GPC5: variants seen among roughly 807,000 people sequenced by gnomAD.
GPC5 encodes glypican-5.
A neutral mutation model predicts 53.9 loss-of-function variants in GPC5; 47 were observed. The observed-to-expected ratio is 0.87, with a 90% confidence interval of 0.69 to 1.11. The LOEUF is 1.11. GPC5 is among the 50% of genes most tolerant of loss of function. The pLI is 0.00. For missense variants in GPC5, 748 were observed against 713.1 expected (o/e 1.05, Z -0.56); for synonymous variants, 286 against 263.3 (o/e 1.09, Z -0.84).
chr13:91,577,558 A>G (rs1194286287), intron 2 of GPC5, among the ~76,000 whole-genome samples: 1 of 151,962 alleles, frequency 6.6e-6, no homozygotes, highest in Non-Finnish European at 1.5e-5. Flanking sequence ...TTGGCTCCTC[A>G]CCTATTGTTG....
At chr13:92,025,709 G>A (rs1243190836) in intron 6 of GPC5, among the ~76,000 whole-genome samples, 1 of 152,124 alleles carries the variant, frequency 6.6e-6, no homozygotes, top group African/African-American at 2.4e-5. Flanking sequence ...TGTAGTATAT[G>A]CATGTCCATT....
intron 6 of GPC5, among the ~76,000 whole-genome samples, chr13:92,022,031 G>A (rs1291914085): frequency 1.3e-5 from 2 of 151,586 alleles, no homozygotes; most frequent in Non-Finnish European, 2.9e-5. Context: ...ACAGAGTCTC[G>A]GTCTGTTGCC....
intron 7 of GPC5, among the ~76,000 whole-genome samples, chr13:92,213,556 C>T (rs1266596851): frequency 6.6e-6 from 1 of 152,146 alleles, no homozygotes; most frequent in Non-Finnish European, 1.5e-5. Context: ...CCTGAAATGA[C>T]TGTATAATCT....
intron 3 of GPC5, among the ~76,000 whole-genome samples, chr13:91,705,637 G>A (rs751616720): frequency 6.6e-6 from 1 of 151,678 alleles, no homozygotes; most frequent in African/African-American, 2.4e-5. Flanking sequence ...TCAGGTTTTG[G>A]TCTAAGAATA....
At chr13:92,802,224 T>C (rs756021767) in intron 7 of GPC5, among the ~76,000 whole-genome samples, 5 of 151,858 alleles carry the variant, frequency 3.3e-5, no homozygotes, top group Non-Finnish European at 5.9e-5. Context: ...GTATTCAATA[T>C]AGTCACATGC....
chr13:91,656,672 C>A (rs2034853074), intron 2 of GPC5, among the ~76,000 whole-genome samples: 1 of 152,164 alleles, frequency 6.6e-6, no homozygotes, highest in African/African-American at 2.4e-5. Context: ...TCTGTTAAGG[C>A]ATTTCTGACT....
At chr13:92,445,653 T>A (rs941308347) in intron 7 of GPC5, among the ~76,000 whole-genome samples, 1 of 151,820 alleles carries the variant, frequency 6.6e-6, no homozygotes, top group Non-Finnish European at 1.5e-5. Flanking sequence ...ACTCATCATT[T>A]TTTATGGCTG....
chr13:92,663,769 CTATA>C lies in GPC5; in HGVS notation c.1562-202508_1562-202505del, dbSNP rs529018371. 1.0e-4 allele frequency among the ~76,000 whole-genome samples: 14 copies of C among 135,358 alleles called. No homozygotes were observed. The South Asian group carries it at 2.0e-3, about 19-fold the overall frequency. The allele number at this position is 135,358 out of a possible 152,430, so 88.8% of individuals were successfully genotyped here. A position where few individuals can be genotyped will look rare whatever the true frequency, so the allele number is the denominator to read the frequency against. ...TATCTCTACTAAATATATATATACA[CTATA>C]TATACACACACTATATATACACACA... On this transcript the variant is annotated intron_variant, in intron 7 of 7. Transcript: ENST00000377067.
At chr13:92,563,381 AG>A (rs1882759867) in intron 7 of GPC5, among the ~76,000 whole-genome samples, 2 of 152,036 alleles carry the variant, frequency 1.3e-5, no homozygotes, top group Non-Finnish European at 2.9e-5. Flanking sequence ...AAACATAAAA[AG>A]AGATCCAAAG....
At chr13:91,963,676 T>C (rs773342183) in intron 6 of GPC5, among the ~76,000 whole-genome samples, 1 of 152,086 alleles carries the variant, frequency 6.6e-6, no homozygotes, top group African/African-American at 2.4e-5. Context: ...AAGATAATGA[T>C]TAAAATTATT....
chr13:92,271,339 AT>A (rs2042838409), intron 7 of GPC5, among the ~76,000 whole-genome samples: 4 of 152,176 alleles, frequency 2.6e-5, no homozygotes, highest in Admixed American at 1.3e-4. Context: ...TAGCAAAAAT[AT>A]TTTCCCAGGG....
intron 5 of GPC5, among the ~76,000 whole-genome samples, chr13:91,895,057 A>T (rs888921387): frequency 2.6e-5 from 4 of 151,630 alleles, no homozygotes; most frequent in African/African-American, 9.7e-5. Flanking sequence ...CTAACTTAAA[A>T]AAAAAAAAAA....
At chr13:91,905,850 C>A (rs538400950) in intron 5 of GPC5, among the ~76,000 whole-genome samples, 2 of 152,150 alleles carry the variant, frequency 1.3e-5, no homozygotes, top group Non-Finnish European at 2.9e-5. Flanking sequence ...TGTAAGCAAA[C>A]AAATTACTCA....
intron 7 of GPC5, among the ~76,000 whole-genome samples, chr13:92,442,604 T>A (rs1202305787): frequency 6.6e-6 from 1 of 152,146 alleles, no homozygotes; most frequent in Non-Finnish European, 1.5e-5. Context: ...TAGATAAGAA[T>A]GGTACTAAGA....
intron 7 of GPC5, among the ~76,000 whole-genome samples, chr13:92,756,532 AG>A (rs2139333216): frequency 6.6e-6 from 1 of 152,172 alleles, no homozygotes; most frequent in African/African-American, 2.4e-5. Context: ...GAAAACAGGA[AG>A]TCAAATTGTC....
chr13:92,093,097 T>C (rs185844680), intron 6 of GPC5, among the ~76,000 whole-genome samples: 83 of 152,320 alleles, frequency 5.4e-4, no homozygotes, highest in Non-Finnish European at 1.0e-3. Context: ...TAAACTAACA[T>C]TTAGTTTTCC....
chr13:92,360,396 A>T (rs923227481), intron 7 of GPC5, among the ~76,000 whole-genome samples: 8 of 151,754 alleles, frequency 5.3e-5, no homozygotes, highest in African/African-American at 2.0e-4. Context: ...GCTTCAATAG[A>T]TCCATAAAAG....
intron 2 of GPC5, among the ~76,000 whole-genome samples, chr13:91,454,122 G>A (rs1242604127): frequency 6.6e-6 from 1 of 151,942 alleles, no homozygotes; most frequent in Non-Finnish European, 1.5e-5. Flanking sequence ...TTATTCAACT[G>A]TCCTTTATCT....
chr13:92,194,721 G>A (rs2042245672), intron 7 of GPC5, among the ~76,000 whole-genome samples: 1 of 152,180 alleles, frequency 6.6e-6, no homozygotes, highest in South Asian at 2.1e-4. Context: ...AAATGTAAAA[G>A]GAATGAGCAG....
Sources: gnomAD v4.1 joint callset for allele counts (sites outside exome capture counted in the v4.1 genomes callset) on GRCh38, gnomAD v4.1.1 for gene constraint, MANE v1.5 for transcripts, NCBI Gene and HGNC (gene_info 2026-07-23, HGNC 2026-07-21) for gene names.